Variants in PCDHGB1 observed in about 807,000 individuals in gnomAD.
The protein encoded by PCDHGB1 is protocadherin gamma-B1.
In PCDHGB1, 34 loss-of-function variants were observed where a neutral mutation model predicts 56.6. The ratio of observed to expected loss-of-function variants is 0.60; its 90% confidence interval spans 0.46 to 0.80. The LOEUF is 0.80. Ranked by LOEUF, PCDHGB1 falls within the 30% of genes least tolerant of loss-of-function variation. PCDHGB1 has a pLI of 0.00. For missense variants in PCDHGB1, 1,278 were observed against 1,204.6 expected, an observed-to-expected ratio of 1.06 and a Z score of -0.90; for synonymous variants, 561 against 505.9, an observed-to-expected ratio of 1.11 and a Z score of -1.46.
Position 141,503,010 on chromosome 5 carries a change from AT to A in PCDHGB1, c.2469-2371del, listed in dbSNP as rs199924715. ...AGGCGTGTGCCACCATGCCCGGTTA[AT>A]TTTTTTTTTTTAATATCTATTTTAG... On this transcript the variant is annotated intron_variant, in intron 2 of 3. Coordinates refer to ENST00000523390, the MANE Select transcript of PCDHGB1 (RefSeq NM_018922.3). Among the ~76,000 whole-genome samples the A allele has an allele frequency of 6.8e-3, 997 of 146,562 alleles. 9 individuals are homozygous for A. The highest frequency in any genetic ancestry group is 0.023 in the African/African-American group (916 of 39,838).
chr5:141,380,433 A>G (rs1228885429), intron 1 of PCDHGB1, among the ~76,000 whole-genome samples: 1 of 152,256 alleles, frequency 6.6e-6, no homozygotes, highest in Non-Finnish European at 1.5e-5. Context: ...TAGACTTTAC[A>G]TAGAATTCTT....
intron 1 of PCDHGB1, chr5:141,370,508 C>A: frequency 6.2e-7 from 1 of 1,613,908 alleles, no homozygotes. Context: ...ACGCTATTCC[C>A]GAGGAGCTGG....
At chr5:141,497,284 A>G (rs1486878285) in intron 2 of PCDHGB1, among the ~76,000 whole-genome samples, 1 of 152,104 alleles carries the variant, frequency 6.6e-6, no homozygotes, top group South Asian at 2.1e-4. Context: ...TGTTCCCTCT[A>G]CCTACCACCA....
Position 141,486,682 on chromosome 5 carries a change from A to C in PCDHGB1, c.2410-8125A>C, listed in dbSNP as rs781547951. 1.4e-5 allele frequency: 22 copies of C among 1,614,064 alleles called. No individual in the cohort carries two copies. The African/African-American group carries it at 2.3e-4, about 17-fold the overall frequency. ...TGGAGCCCAGGAATCGAGATGTATC[A>C]GCTTCCTCTTTCATCTCTCTGAACC... On this transcript the variant is annotated intron_variant, in intron 1 of 3. Coordinates refer to ENST00000523390, the MANE Select transcript of PCDHGB1 (RefSeq NM_018922.3). The surrounding 1 kb of genome is among the most constrained non-coding windows in gnomAD (Gnocchi z 5.0).
intron 1 of PCDHGB1, chr5:141,409,996 G>A (rs1561724976): frequency 6.2e-7 from 1 of 1,613,132 alleles, no homozygotes; most frequent in Non-Finnish European, 8.5e-7. Context: ...ACGCCGACTC[G>A]GGACACAACG....
intron 1 of PCDHGB1, among the ~76,000 whole-genome samples, chr5:141,425,068 A>G (rs1484760901): frequency 6.6e-6 from 1 of 152,174 alleles, no homozygotes; most frequent in African/African-American, 2.4e-5. Context: ...GGACAAAAAT[A>G]ATTTCAACTG....
chr5:141,456,554 G>A (rs1003323522), intron 1 of PCDHGB1, among the ~76,000 whole-genome samples: 2 of 152,202 alleles, frequency 1.3e-5, no homozygotes, highest in Non-Finnish European at 2.9e-5. Flanking sequence ...GCCACTCGGG[G>A]CTGAAGCCCA....
intron 1 of PCDHGB1, chr5:141,383,684 T>A: frequency 4.3e-6 from 7 of 1,614,014 alleles, no homozygotes; most frequent in Non-Finnish European, 5.9e-6. Context: ...ACAAGACTGC[T>A]CACGGTACAT....
At chr5:141,425,214 A>G (rs999893857) in intron 1 of PCDHGB1, among the ~76,000 whole-genome samples, 2 of 152,178 alleles carry the variant, frequency 1.3e-5, no homozygotes, top group Non-Finnish European at 2.9e-5. Context: ...AAGGCATTGT[A>G]CTTTGACTGG....
In PCDHGB1 at chr5:141,404,612, G is replaced by A. The variant is rs774633321; in HGVS notation, c.2409+51943G>A. 2 of 1,614,110 alleles carry A rather than the reference G, an allele frequency of 1.2e-6. No homozygotes were observed. The highest frequency in any genetic ancestry group is 3.3e-5 in the Admixed American group (2 of 60,022). ...TGTGTCATTGAGACTGTTTGTTTTG[G>A]ACCAGAATGACAATGCCCCAGAAAT... On this transcript the variant is annotated intron_variant, in intron 1 of 3. Transcript: ENST00000523390.
intron 1 of PCDHGB1, chr5:141,394,094 A>G (rs759909698): frequency 6.2e-7 from 1 of 1,613,934 alleles, no homozygotes; most frequent in Admixed American, 1.7e-5. Context: ...CCTCAGATCT[A>G]GGAACACCAC....
intron 1 of PCDHGB1, chr5:141,441,621 G>C (rs2098260273): frequency 9.0e-6 from 2 of 223,292 alleles, no homozygotes; most frequent in Non-Finnish European, 1.8e-5. Flanking sequence ...CGTGGCCAGT[G>C]ACCTGGAGCC....
At chr5:141,370,084 A>C (rs947010720) in intron 1 of PCDHGB1, among the ~76,000 whole-genome samples, 2 of 152,244 alleles carry the variant, frequency 1.3e-5, no homozygotes, top group Non-Finnish European at 2.9e-5. Context: ...AAGTATCACT[A>C]TCAGTACACT....
At chr5:141,447,773 T>C (rs2098551408) in intron 1 of PCDHGB1, among the ~76,000 whole-genome samples, 1 of 152,202 alleles carries the variant, frequency 6.6e-6, no homozygotes, top group African/African-American at 2.4e-5. Context: ...AATTATACTT[T>C]AATTGAAAAT....
intron 1 of PCDHGB1, chr5:141,440,723 T>C (rs2098196558): frequency 6.6e-6 from 1 of 152,178 alleles, no homozygotes; most frequent in Non-Finnish European, 1.5e-5. Flanking sequence ...GTTGATCCTG[T>C]GTTAGAGAAG....
At chr5:141,500,509 G>A (rs1048476645) in intron 2 of PCDHGB1, among the ~76,000 whole-genome samples, 19 of 152,100 alleles carry the variant, frequency 1.2e-4, no homozygotes, top group South Asian at 4.2e-4. Context: ...GCGCCTGGCC[G>A]AGCTTCATTT....
chr5:141,422,342 TG>T, intron 1 of PCDHGB1: 1 of 1,551,514 alleles, frequency 6.4e-7, no homozygotes. Context: ...CTTCTAAATG[TG>T]CAAGATCAAG....
At chr5:141,420,029 G>T (rs1382842280) in intron 1 of PCDHGB1, 2 of 1,614,082 alleles carry the variant, frequency 1.2e-6, no homozygotes, top group Non-Finnish European at 1.7e-6. Flanking sequence ...CCCTACTGCA[G>T]GAGACTGCTT....
intron 1 of PCDHGB1, chr5:141,395,364 AT>A: frequency 1.6e-6 from 2 of 1,264,440 alleles, no homozygotes; most frequent in Non-Finnish European, 2.1e-6. Context: ...TTTTGGGTTT[AT>A]TTTGGTGGTG....
Sources: allele counts gnomAD v4.1 joint callset (sites outside exome capture counted in the v4.1 genomes callset), GRCh38; gene constraint gnomAD v4.1.1; non-coding constraint Gnocchi (gnomAD v3.1); transcripts MANE v1.5; gene names NCBI Gene and HGNC (gene_info 2026-07-23, HGNC 2026-07-21).